REDIC1: variants seen among roughly 807,000 people sequenced by gnomAD.
REDIC1 encodes the protein HEI10 Interacting Protein 1.
the REDIC1 span, chr12:39,830,468 T>C: frequency 3.3e-6 from 4 of 1,219,660 alleles, no homozygotes; most frequent in Non-Finnish European, 4.1e-6. Context: ...GAAGGAGGCT[T>C]GGATCTGAGA....
chr12:39,711,813 G>GTA, the REDIC1 span, among the ~76,000 whole-genome samples: 21 of 89,440 alleles, frequency 2.3e-4, no homozygotes, highest in African/African-American at 5.6e-4. Context: ...ATGTGTATGT[G>GTA]TGTACACATG....
chr12:39,711,622 T>A, the REDIC1 span, among the ~76,000 whole-genome samples: 4 of 66,566 alleles, frequency 6.0e-5, no homozygotes, highest in East Asian at 1.9e-3. Flanking sequence ...TGTATGTGTA[T>A]ACACGTATGT....
chr12:39,859,380 T>C, the REDIC1 span, among the ~76,000 whole-genome samples: 1 of 138,540 alleles, frequency 7.2e-6, no homozygotes, highest in South Asian at 2.4e-4. Context: ...TGGTTCTTAA[T>C]GGAAGATGTA....
the REDIC1 span, among the ~76,000 whole-genome samples, chr12:39,863,772 A>G: frequency 6.6e-6 from 1 of 152,196 alleles, no homozygotes; most frequent in Non-Finnish European, 1.5e-5. Context: ...AAAGGCACAT[A>G]GATCACAATT....
the REDIC1 span, among the ~76,000 whole-genome samples, chr12:39,687,744 A>G: frequency 9.2e-5 from 14 of 152,296 alleles, no homozygotes; most frequent in African/African-American, 3.4e-4. Flanking sequence ...ATAATTTTAT[A>G]TTTGCCATAC....
At chr12:39,698,705 T>C in the REDIC1 span, among the ~76,000 whole-genome samples, 1 of 152,118 alleles carries the variant, frequency 6.6e-6, no homozygotes, top group South Asian at 2.1e-4. Context: ...ACTATACAAA[T>C]ACATGAAAAT....
the REDIC1 span, among the ~76,000 whole-genome samples, chr12:39,760,423 G>A: frequency 6.6e-6 from 1 of 151,824 alleles, no homozygotes; most frequent in African/African-American, 2.4e-5. Flanking sequence ...CCAACTCTGA[G>A]AATATGATGT....
the REDIC1 span, among the ~76,000 whole-genome samples, chr12:39,896,469 T>C: frequency 1.4e-5 from 2 of 144,666 alleles, no homozygotes; most frequent in South Asian, 2.1e-4. Flanking sequence ...TATGTATACA[T>C]ATATGTATAT....
At chr12:39,715,454 A>C in the REDIC1 span, among the ~76,000 whole-genome samples, 1 of 151,790 alleles carries the variant, frequency 6.6e-6, no homozygotes, top group Non-Finnish European at 1.5e-5. Flanking sequence ...TGCACATCCC[A>C]TGCTCATGGA....
chr12:39,834,813 C>T, the REDIC1 span, among the ~76,000 whole-genome samples: 7 of 152,122 alleles, frequency 4.6e-5, no homozygotes, highest in African/African-American at 1.7e-4. Flanking sequence ...CAAAATTCTT[C>T]CAAATATTAC....
At chr12:39,680,331 A>G in the REDIC1 span, among the ~76,000 whole-genome samples, 2 of 152,152 alleles carry the variant, frequency 1.3e-5, no homozygotes, top group Non-Finnish European at 2.9e-5. Context: ...TGAATAGACA[A>G]TTTGCAAAAG....
At chr12:39,727,830 G>C in the REDIC1 span, among the ~76,000 whole-genome samples, 1 of 152,110 alleles carries the variant, frequency 6.6e-6, no homozygotes, top group African/African-American at 2.4e-5. Flanking sequence ...TTATTTCCTA[G>C]AGCAGTGGTT....
chr12:39,799,564 T>C, the REDIC1 span, among the ~76,000 whole-genome samples: 1 of 151,952 alleles, frequency 6.6e-6, no homozygotes, highest in African/African-American at 2.4e-5. Context: ...AACAAGAAGA[T>C]AGCCCAAAAA....
chr12:39,815,079 G>T, the REDIC1 span, among the ~76,000 whole-genome samples: 1 of 151,902 alleles, frequency 6.6e-6, no homozygotes, highest in Non-Finnish European at 1.5e-5. Context: ...AAGGATTAGA[G>T]AAGTAAAATA....
the REDIC1 span, among the ~76,000 whole-genome samples, chr12:39,712,663 G>T: frequency 1.4e-5 from 2 of 141,150 alleles, no homozygotes; most frequent in African/African-American, 2.6e-5. Flanking sequence ...ATATATGTAT[G>T]TATACATGTG....
the REDIC1 span, chr12:39,684,278 A>G: frequency 2.1e-6 from 2 of 964,484 alleles, no homozygotes; most frequent in Admixed American, 6.0e-5. Flanking sequence ...TATTTTAGCT[A>G]GTAGTTTCTA....
At chr12:39,666,752 T>C in the REDIC1 span, among the ~76,000 whole-genome samples, 27 of 152,284 alleles carry the variant, frequency 1.8e-4, no homozygotes, top group African/African-American at 5.8e-4. Flanking sequence ...GAGCCTGTTA[T>C]TGGTCTATTC....
the REDIC1 span, among the ~76,000 whole-genome samples, chr12:39,850,478 AC>A: frequency 6.6e-6 from 1 of 152,258 alleles, no homozygotes; most frequent in Middle Eastern, 3.4e-3. Flanking sequence ...AATAATACTA[AC>A]TTAGGATGCT....
the REDIC1 span, among the ~76,000 whole-genome samples, chr12:39,704,368 T>A: frequency 4.6e-5 from 7 of 151,974 alleles, no homozygotes; most frequent in Admixed American, 6.5e-5. Flanking sequence ...AAAACCACAA[T>A]GAGATACCAT....
Sources: gnomAD v4.1 joint callset for allele counts (sites outside exome capture counted in the v4.1 genomes callset) on GRCh38, gnomAD v4.1.1 for gene constraint, MANE v1.5 for transcripts, NCBI Gene and HGNC (gene_info 2026-07-23, HGNC 2026-07-21) for gene names.